The following ZNF577 variants were observed in gnomAD, a reference collection of about 807,000 sequenced individuals.
The protein encoded by ZNF577 is zinc finger protein 577.
In ZNF577, 14 loss-of-function variants were observed where a neutral mutation model predicts 13.9. That is an observed-to-expected ratio of 1.00 (90% confidence interval 0.66 to 1.57). ZNF577 has a LOEUF of 1.57. ZNF577 is among the 40% of genes most tolerant of loss of function. The probability of loss-of-function intolerance (pLI) is 0.00; values close to 1 mark genes in which losing one functional copy is unlikely to be tolerated. For missense variants in ZNF577, 555 were observed against 579.2 expected (o/e 0.96, Z 0.43); for synonymous variants, 203 against 202.9 (o/e 1.00, Z 0.00).
At chr19:51,876,940 A>C (rs2084774465) in intron 5 of ZNF577, among the ~76,000 whole-genome samples, 1 of 152,062 alleles carries the variant, frequency 6.6e-6, no homozygotes, top group Non-Finnish European at 1.5e-5. Context: ...AAAAAAAAAA[A>C]AAAGGCAACA....
At chr19:51,836,574 T>C (rs1447189137) in intron 9 of ZNF577, among the ~76,000 whole-genome samples, 7 of 152,208 alleles carry the variant, frequency 4.6e-5, no homozygotes. Flanking sequence ...CTGTTGTTGT[T>C]TCCACACGAA....
chr19:51,841,771 T>C (rs1205448701), intron 8 of ZNF577, among the ~76,000 whole-genome samples: 2 of 152,130 alleles, frequency 1.3e-5, no homozygotes, highest in African/African-American at 2.4e-5. Context: ...ATACAAAAAT[T>C]AGCCAGGCAT....
At chr19:51,823,109 C>G (rs773656264) in intron 9 of ZNF577, among the ~76,000 whole-genome samples, 2 of 152,134 alleles carry the variant, frequency 1.3e-5, no homozygotes, top group African/African-American at 4.8e-5. Flanking sequence ...GTGATCCACT[C>G]TCCTCAACCT....
Position 51,868,566 on chromosome 19 carries a change from T to A in ZNF577, c.*3966A>T, listed in dbSNP as rs1050216739. Among the ~76,000 whole-genome samples, 1 of 152,096 alleles carries A rather than the reference T, an allele frequency of 6.6e-6. No individual in the cohort carries two copies. The highest frequency in any genetic ancestry group is 1.5e-5 in the Non-Finnish European group (1 of 68,018). On this transcript the variant is annotated 3_prime_UTR_variant, in exon 6 of 6. Coordinates refer to ENST00000638348, the MANE Select transcript of ZNF577 (RefSeq NM_001370449.1). ...AAGACTGCCCCAGCCAAAGCAGAACTGCCAGATGAGCTCAGAATTAATATG... is the reference window on the plus strand; with the variant it reads ...AAGACTGCCCCAGCCAAAGCAGAACAGCCAGATGAGCTCAGAATTAATATG...
chr19:51,827,916 A>G (rs1473096091), intron 9 of ZNF577, among the ~76,000 whole-genome samples: 1 of 148,762 alleles, frequency 6.7e-6, no homozygotes, highest in East Asian at 2.0e-4. Context: ...TGCTTTACTC[A>G]TTTTCTTCTC....
At chr19:51,862,651 A>G (rs2084515788), downstream of ZNF577, 2 of 152,188 alleles carry the variant, frequency 1.3e-5, no homozygotes, top group Admixed American at 6.6e-5. Flanking sequence ...GCATCCATAG[A>G]ATTTTCCTTT....
At chr19:51,815,196 A>G (rs1389121479) in intron 9 of ZNF577, among the ~76,000 whole-genome samples, 1 of 152,140 alleles carries the variant, frequency 6.6e-6, no homozygotes, top group Admixed American at 6.5e-5. Context: ...TCAAGTGACT[A>G]GAGGGTTGGA....
intron 6 of ZNF577, among the ~76,000 whole-genome samples, chr19:51,844,050 CTTTT>C (rs34391853): frequency 8.7e-5 from 11 of 127,090 alleles, no homozygotes; most frequent in African/African-American, 2.5e-4. Flanking sequence ...AGCCACTACA[CTTTT>C]TTTTTTTTTT....
At position 51,873,465 on chromosome 19, in the gene ZNF577, T is replaced by G. The variant is rs755899913; in HGVS notation, c.525A>C (p.Gln175His). The G allele has an allele frequency of 8.1e-6, 13 of 1,614,210 alleles. 1 individual carries two copies. In the South Asian group the frequency reaches 1.3e-4, roughly 16 times the overall value. Residue 175 changes from glutamine to histidine, a missense_variant, in exon 6 of 6, where the codon CAA (glutamine) becomes CAC (histidine). By Grantham distance (24) the Gln-to-His change is conservative (BLOSUM62 0). Coordinates refer to ENST00000638348, the MANE Select transcript of ZNF577 (RefSeq NM_001370449.1). ...RAFSRKAQLIQHQRTERGEKP... is the reference protein window; with the variant it reads ...RAFSRKAQLIHHQRTERGEKP... The stretch of plus-strand genomic sequence containing the variant: ...TCTCTCCTCTTTCAGTTCTCTGATG[T>G]TGAATAAGCTGTGCTTTCCTGGAGA...
chr19:51,824,469 C>A lies in ZNF577; in HGVS notation c.*600-12795G>T, dbSNP rs1435600197. The A allele has an allele frequency of 1.2e-6, 2 of 1,614,066 alleles. No homozygotes were observed. The highest frequency in any genetic ancestry group is 2.2e-5 in the South Asian group (2 of 91,086). On this transcript the variant is annotated intron_variant and NMD_transcript_variant, in intron 9 of 10. Transcript: ENST00000638827. This position sits in a 1 kb window ranked among gnomAD's most constrained non-coding sequence, Gnocchi z 4.7. The stretch of plus-strand genomic sequence containing the variant: ...CATGATTAAATCCAGCCGTCCCTTA[C>A]GTGTCTTCGCTGCTGTGGTGGCTTC...
chr19:51,878,289 A>C, intron 4 of ZNF577, 100 bp downstream of exon 4: 1 of 1,287,504 alleles, frequency 7.8e-7, no homozygotes, highest in South Asian at 1.8e-5. Flanking sequence ...AAAAATCTAT[A>C]ACATATAATA....
At chr19:51,882,352 A>T (rs1309119893) in intron 1 of ZNF577, among the ~76,000 whole-genome samples, 2 of 152,088 alleles carry the variant, frequency 1.3e-5, no homozygotes, top group African/African-American at 4.8e-5. Context: ...CTGACTGGTA[A>T]GGATAATCTG....
At chr19:51,863,830 C>T (rs916596564), downstream of ZNF577, among the ~76,000 whole-genome samples, 1 of 152,202 alleles carries the variant, frequency 6.6e-6, no homozygotes, top group Non-Finnish European at 1.5e-5. Context: ...GACTCAGATT[C>T]TTGATCTAGG....
At chr19:51,886,570 A>T (rs1313106569) in intron 1 of ZNF577, 1 of 152,230 alleles carries the variant, frequency 6.6e-6, no homozygotes, top group African/African-American at 2.4e-5. Context: ...GAGCAACACA[A>T]ATCAAAGAAA....
chr19:51,875,714 C>T (rs1040988307), intron 5 of ZNF577, among the ~76,000 whole-genome samples: 1 of 152,210 alleles, frequency 6.6e-6, no homozygotes, highest in African/African-American at 2.4e-5. Flanking sequence ...ACTCACTCCT[C>T]ATGTCTTCTC....
Position 51,825,144 on chromosome 19 carries a change from C to T in ZNF577, c.*600-13470G>A, listed in dbSNP as rs111524392. On this transcript the variant is annotated intron_variant and NMD_transcript_variant, in intron 9 of 10. Transcript: ENST00000638827. ...GGACCAACCAGCTTCAATCAGGGTT[C>T]CCACTACCCCCTCTTTGGGGGTAGA... 657 of 248,068 alleles carry T rather than the reference C, an allele frequency of 2.6e-3. 7 individuals are homozygous for T. The highest frequency in any genetic ancestry group is 0.014 in the African/African-American group (604 of 44,088). The allele number at this position is 248,068 out of a possible 1,614,324, so 15.4% of individuals were successfully genotyped here. A position where few individuals can be genotyped will look rare whatever the true frequency, so the allele number is the denominator to read the frequency against.
intron 9 of ZNF577, chr19:51,825,455 G>A (rs567441274): frequency 6.0e-6 from 1 of 166,916 alleles, no homozygotes; most frequent in East Asian, 1.9e-4. Flanking sequence ...AGGGTCTTAA[G>A]ACCCACAATT....
At chr19:51,852,806 T>C (rs1180876735) in intron 5 of ZNF577, among the ~76,000 whole-genome samples, 1 of 152,210 alleles carries the variant, frequency 6.6e-6, no homozygotes, top group African/African-American at 2.4e-5. Context: ...TAAAATGTCA[T>C]GTGTGTGTAA....
intron 1 of ZNF577, among the ~76,000 whole-genome samples, chr19:51,884,238 C>A (rs140440484): frequency 4.6e-5 from 7 of 152,206 alleles, no homozygotes; most frequent in Middle Eastern, 6.8e-3. Flanking sequence ...ATAGCAAGAT[C>A]CTGTCTGTAA....
Sources: allele counts gnomAD v4.1 joint callset (sites outside exome capture counted in the v4.1 genomes callset), GRCh38; gene constraint gnomAD v4.1.1; non-coding constraint Gnocchi (gnomAD v3.1); transcripts MANE v1.5; gene names NCBI Gene and HGNC (gene_info 2026-07-23, HGNC 2026-07-21).